The following ZNF138 variants were observed in gnomAD, a reference collection of about 807,000 sequenced individuals.
The protein encoded by ZNF138 is zinc finger protein 138.
ZNF138 carries 33 observed loss-of-function variants against 33.0 expected under a neutral mutation model. That is an observed-to-expected ratio of 1.00 (90% CI 0.76 to 1.34). The LOEUF is 1.34. Among genes scored for constraint, ZNF138 ranks in the 40% most tolerant of loss-of-function variants. The pLI is 0.00. For synonymous variants in ZNF138, 139 were observed against 120.4 expected (o/e 1.15, Z -1.01); for missense variants, 360 against 370.8 (o/e 0.97, Z 0.24).
In ZNF138 at chr7:64,831,814, G is replaced by C. The variant is rs1221359195; in HGVS notation, c.572G>C (p.Arg191Thr). Reference sequence around the variant, plus strand: ...ACTCAACATAAAAAAATTCATACTAGAGAGAATTTCTACAAATGTGAAGAG... The same window carrying C: ...ACTCAACATAAAAAAATTCATACTACAGAGAATTTCTACAAATGTGAAGAG... ...RLTQHKKIHT[R>T]ENFYKCEECG... Residue 191 changes from arginine (R) to threonine (T), a missense_variant, in exon 4 of 4, where the codon AGA becomes ACA. Transcript: ENST00000307355. The C allele has an allele frequency of 6.2e-7, 1 of 1,613,570 alleles. No homozygotes were observed. Among genetic ancestry groups the C allele is most frequent in the South Asian group, 1.1e-5 (1 of 90,900 alleles).
At position 64,833,265 on chromosome 7, in the gene ZNF138, G is replaced by A. The variant is rs560421395; in HGVS notation, c.*1063G>A. ...AAACCCCACAAATATGAAGAATGTGGTAATGCTTTTAACCAATTCTCAAAT... is the reference window on the plus strand; with the variant it reads ...AAACCCCACAAATATGAAGAATGTGATAATGCTTTTAACCAATTCTCAAAT... On this transcript the variant is annotated 3_prime_UTR_variant, in exon 4 of 4. Coordinates refer to ENST00000307355, the MANE Select transcript of ZNF138 (RefSeq NM_001271639.2). 14 of 179,834 alleles carry A rather than the reference G, an allele frequency of 7.8e-5. No individual in the cohort carries two copies. The highest frequency in any genetic ancestry group is 1.6e-4 in the Non-Finnish European group (13 of 82,952). The allele number at this position is 179,834 out of a possible 1,614,324, so 11.1% of individuals were successfully genotyped here.
At position 64,832,521 on chromosome 7, in the gene ZNF138, G is replaced by A; in HGVS notation, c.*319G>A. The stretch of plus-strand genomic sequence containing the variant: ...CCACAAATGTGGAGAATGCGGAAAA[G>A]CCTTTAACTGGTCCTCAACTCTTAT... On this transcript the variant is annotated 3_prime_UTR_variant, in exon 4 of 4. Transcript: ENST00000307355. 4 of 804,694 alleles carry A rather than the reference G, an allele frequency of 5.0e-6. No individual in the cohort carries two copies. The highest frequency in any genetic ancestry group is 7.3e-6 in the Non-Finnish European group (4 of 545,692). 49.8% of individuals were successfully genotyped at this position (804,694 alleles called of 1,614,324 possible). A position where few individuals can be genotyped will look rare whatever the true frequency, so the allele number is the denominator to read the frequency against.
intron 1 of ZNF138, among the ~76,000 whole-genome samples, chr7:64,809,622 G>T (rs1466900053): frequency 6.7e-6 from 1 of 149,854 alleles, no homozygotes; most frequent in Non-Finnish European, 1.5e-5. Context: ...CCTCCCAGAC[G>T]GGGTGGCTGC....
At chr7:64,850,582 T>A in the ZNF138 span, among the ~76,000 whole-genome samples, 414 of 152,342 alleles carry the variant, frequency 2.7e-3, 1 homozygote, top group African/African-American at 9.7e-3. Context: ...GAGAGGGTGT[T>A]GGGCATAATG....
In ZNF138 at chr7:64,812,850, CTTTT is replaced by C. The variant is rs34197599; in HGVS notation, c.4-2053_4-2050del. 3.2e-4 allele frequency among the ~76,000 whole-genome samples: 46 copies of C among 142,024 alleles called. 1 individual carries two copies. The highest frequency in any genetic ancestry group is 3.5e-4 in the Admixed American group (5 of 14,260). 93.2% of individuals were successfully genotyped at this position (142,024 alleles called of 152,430 possible). A position where few individuals can be genotyped will look rare whatever the true frequency, so the allele number is the denominator to read the frequency against. On this transcript the variant is annotated intron_variant, in intron 1 of 3. Coordinates refer to ENST00000307355, the MANE Select transcript of ZNF138 (RefSeq NM_001271639.2). ...GAAGGAGAAAGGGGAAAAAAATTGC[CTTTT>C]TTTTTTTTTTTTTTAGCTTAACATG...
At chr7:64,824,105 C>G (rs1370361825) in intron 3 of ZNF138, among the ~76,000 whole-genome samples, 2 of 152,138 alleles carry the variant, frequency 1.3e-5, no homozygotes, top group Admixed American at 1.3e-4. Flanking sequence ...GTTCTCCAAA[C>G]CTCATGCTGC....
chr7:64,859,909 T>A, the ZNF138 span, among the ~76,000 whole-genome samples: 1 of 151,972 alleles, frequency 6.6e-6, no homozygotes, highest in South Asian at 2.1e-4. Context: ...CAGGCCAAGG[T>A]GGGTGGATTA....
At chr7:64,817,746 CT>C (rs1167842133) in intron 3 of ZNF138, among the ~76,000 whole-genome samples, 3 of 151,590 alleles carry the variant, frequency 2.0e-5, no homozygotes, top group African/African-American at 7.3e-5. Flanking sequence ...CGATATAACT[CT>C]TCATATACGT....
At chr7:64,841,487 A>T in the ZNF138 span, among the ~76,000 whole-genome samples, 1 of 133,922 alleles carries the variant, frequency 7.5e-6, no homozygotes, top group East Asian at 2.6e-4. Flanking sequence ...TGCTAGAGTT[A>T]GTTTGTAAGT....
At chr7:64,815,479 C>T in intron 2 of ZNF138, 97 bp from the exon 3 acceptor site, 2 of 1,019,884 alleles carry the variant, frequency 2.0e-6, no homozygotes, top group Non-Finnish European at 2.9e-6. Flanking sequence ...ATTACATTCT[C>T]TTTACTGAGC....
At chr7:64,821,888 C>T (rs1789173408) in intron 3 of ZNF138, among the ~76,000 whole-genome samples, 2 of 148,458 alleles carry the variant, frequency 1.3e-5, no homozygotes, top group Admixed American at 6.7e-5. Flanking sequence ...AATATAACTC[C>T]TATCACATGT....
In ZNF138 at chr7:64,831,449, A is replaced by T. The variant is rs1223544553; in HGVS notation, c.209-2A>T. 6.5e-7 allele frequency: 1 copy of T among 1,538,052 alleles called. No homozygotes were observed. Among genetic ancestry groups the T allele is most frequent in the Admixed American group, 2.2e-5 (1 of 45,472 alleles). On this transcript the variant is annotated splice_acceptor_variant, in intron 3 of 3. Coordinates refer to ENST00000307355, the MANE Select transcript of ZNF138 (RefSeq NM_001271639.2). LOFTEE classifies it high-confidence loss of function. Reference sequence around the variant, plus strand: ...TAATTTGTTATTTTTTGTTTCTTTCAGCTCTGTGTTCTCGTTTTGCCCAAG... The same window carrying T: ...TAATTTGTTATTTTTTGTTTCTTTCTGCTCTGTGTTCTCGTTTTGCCCAAG...
chr7:64,845,196 T>C, the ZNF138 span, among the ~76,000 whole-genome samples: 1 of 152,240 alleles, frequency 6.6e-6, no homozygotes. Context: ...TGGTTTTCCA[T>C]TCCTGAGTTA....
chr7:64,796,162 G>A (rs1355802869), intron 1 of ZNF138, among the ~76,000 whole-genome samples: 1 of 152,236 alleles, frequency 6.6e-6, no homozygotes, highest in Non-Finnish European at 1.5e-5. Flanking sequence ...GATTCTCTAA[G>A]ATTTGTGAAA....
chr7:64,805,750 A>C (rs569335479), intron 1 of ZNF138, among the ~76,000 whole-genome samples: 1 of 152,372 alleles, frequency 6.6e-6, no homozygotes, highest in Non-Finnish European at 1.5e-5. Context: ...TTTCTATAGG[A>C]GAGTGAGAGC....
chr7:64,805,800 C>T (rs148742442), intron 1 of ZNF138, among the ~76,000 whole-genome samples: 3 of 152,208 alleles, frequency 2.0e-5, no homozygotes, highest in African/African-American at 7.2e-5. Flanking sequence ...TGCAAAATTA[C>T]CTCTTGTCAT....
chr7:64,845,236 A>G, the ZNF138 span, among the ~76,000 whole-genome samples: 9 of 152,338 alleles, frequency 5.9e-5, no homozygotes, highest in African/African-American at 2.2e-4. Context: ...CTTCAGTCCT[A>G]TCCAGGCTGC....
At chr7:64,825,154 C>CTTTT (rs71061316) in intron 3 of ZNF138, among the ~76,000 whole-genome samples, 2 of 45,988 alleles carry the variant, frequency 4.3e-5, no homozygotes, top group African/African-American at 2.0e-4. Flanking sequence ...GTTGTATGCT[C>CTTTT]TTTTTTTTTT....
chr7:64,848,153 T>C, the ZNF138 span, among the ~76,000 whole-genome samples: 1 of 129,948 alleles, frequency 7.7e-6, no homozygotes, highest in Non-Finnish European at 1.7e-5. Flanking sequence ...CTAATAATTG[T>C]TTAATTTAAA....
Sources: gnomAD v4.1 joint callset for allele counts (sites outside exome capture counted in the v4.1 genomes callset) on GRCh38, gnomAD v4.1.1 for gene constraint, MANE v1.5 for transcripts, NCBI Gene and HGNC (gene_info 2026-07-23, HGNC 2026-07-21) for gene names.